CCDC141: variants seen among roughly 807,000 people sequenced by gnomAD.
CCDC141 encodes coiled-coil domain-containing protein 141.
Under a neutral mutation model 181.0 loss-of-function variants are expected in CCDC141, and 168 were observed. That is an observed-to-expected ratio of 0.93 (90% CI 0.82 to 1.05). The LOEUF (loss-of-function observed/expected upper bound fraction) is 1.05, where lower values mean the gene tolerates loss of function less well. Among genes scored for constraint, CCDC141 ranks in the 50% least tolerant of loss-of-function variants. The probability of loss-of-function intolerance (pLI) is 0.00; values close to 1 mark genes in which losing one functional copy is unlikely to be tolerated. For missense variants in CCDC141, 1,902 were observed against 1,788.5 expected (o/e 1.06, Z -1.14); for synonymous variants, 666 against 642.3 (o/e 1.04, Z -0.56).
chr2:178,931,916 T>G (rs1689115362), intron 6 of CCDC141, among the ~76,000 whole-genome samples: 1 of 152,132 alleles, frequency 6.6e-6, no homozygotes, highest in African/African-American at 2.4e-5. Flanking sequence ...GTGTAATCCC[T>G]GCACTTTGGG....
chr2:178,990,542 A>AAGG, intron 2 of CCDC141, among the ~76,000 whole-genome samples: 1 of 136,000 alleles, frequency 7.4e-6, no homozygotes, highest in African/African-American at 2.7e-5. Context: ...GAGAGGAAGG[A>AAGG]AGGAAGGAAG....
At chr2:178,948,366 AG>A (rs1689816438) in intron 5 of CCDC141, among the ~76,000 whole-genome samples, 1 of 152,174 alleles carries the variant, frequency 6.6e-6, no homozygotes, top group Non-Finnish European at 1.5e-5. Context: ...TCACATCAGT[AG>A]GTTGCATTAT....
intron 17 of CCDC141, among the ~76,000 whole-genome samples, chr2:178,864,364 C>T (rs192614911): frequency 7.4e-4 from 112 of 152,268 alleles, no homozygotes; most frequent in South Asian, 4.4e-3. Flanking sequence ...CGTGCTCTGA[C>T]GGTTTTCCTT....
At chr2:179,013,042 C>G (rs1345375275) in intron 2 of CCDC141, among the ~76,000 whole-genome samples, 1 of 152,058 alleles carries the variant, frequency 6.6e-6, no homozygotes, top group Non-Finnish European at 1.5e-5. Flanking sequence ...AGCATGCCCT[C>G]TAAGAACTGG....
Position 178,865,871 on chromosome 2 carries a change from G to T in CCDC141, c.2620C>A (p.Leu874Ile). 6.2e-7 allele frequency: 1 copy of T among 1,602,450 alleles called. No homozygotes were observed. The highest frequency in any genetic ancestry group is 8.5e-7 in the Non-Finnish European group (1 of 1,174,042). Reference sequence around the variant, plus strand: ...CACTTCATGCTGTCCTCCTCAAGGAGCTCCAGCTGCTGCTGTAGGTTCTTT... The same window carrying T: ...CACTTCATGCTGTCCTCCTCAAGGATCTCCAGCTGCTGCTGTAGGTTCTTT... ...SAKNLQQQLELLEEDSMKWRA... is the reference protein window; with the variant it reads ...SAKNLQQQLEILEEDSMKWRA... Residue 874 changes from leucine to isoleucine, a missense_variant, in exon 17 of 24, where the codon CTC (leucine) becomes ATC (isoleucine). By Grantham distance (5) the Leu-to-Ile change is conservative. Coordinates refer to ENST00000443758, the MANE Select transcript of CCDC141 (RefSeq NM_173648.4).
chr2:178,929,329 C>T (rs79095603), intron 6 of CCDC141, among the ~76,000 whole-genome samples: 2,886 of 152,132 alleles, frequency 0.019, 86 homozygotes, highest in East Asian at 0.13. Flanking sequence ...ATAGCAGAAG[C>T]GTCTGCTTTT....
rs141838668 is a variant in CCDC141 at position 178,876,419 on chromosome 2, T to C, written c.1899+1545A>G. On this transcript the variant is annotated intron_variant, in intron 12 of 23. Coordinates refer to ENST00000443758, the MANE Select transcript of CCDC141 (RefSeq NM_173648.4). ...TAAGTTCATTACTTATCAAGCACTT[T>C]GTGAGCATTTTGGAAAGAATGCCTT... 5.3e-5 allele frequency: 8 copies of C among 152,330 alleles called. No individual in the cohort carries two copies. The South Asian group carries it at 8.3e-4, about 16-fold the overall frequency. 9.4% of individuals were successfully genotyped at this position (152,330 alleles called of 1,614,324 possible). A position where few individuals can be genotyped will look rare whatever the true frequency, so the allele number is the denominator to read the frequency against.
chr2:178,994,228 C>A (rs1285136490), intron 2 of CCDC141, among the ~76,000 whole-genome samples: 1 of 152,196 alleles, frequency 6.6e-6, no homozygotes, highest in Non-Finnish European at 1.5e-5. Context: ...CCATGAGGGC[C>A]CTGCCCCTGC....
intron 3 of CCDC141, among the ~76,000 whole-genome samples, chr2:178,978,168 A>T (rs1691207775): frequency 6.6e-6 from 1 of 152,184 alleles, no homozygotes; most frequent in South Asian, 2.1e-4. Context: ...TAATTGTTTG[A>T]TTTAGTAACT....
chr2:179,017,020 T>G (rs971643791), intron 2 of CCDC141, among the ~76,000 whole-genome samples: 1 of 151,992 alleles, frequency 6.6e-6, no homozygotes, highest in African/African-American at 2.4e-5. Flanking sequence ...GGAGGGAGAT[T>G]TCCCACACAC....
intron 7 of CCDC141, among the ~76,000 whole-genome samples, chr2:178,905,732 A>T (rs1007782794): frequency 2.0e-5 from 3 of 152,250 alleles, no homozygotes; most frequent in Admixed American, 6.5e-5. Flanking sequence ...TGTCAATACC[A>T]TAAAATCACC....
the CCDC141 span, among the ~76,000 whole-genome samples, chr2:178,821,781 A>G: frequency 2.0e-5 from 3 of 152,104 alleles, no homozygotes; most frequent in Non-Finnish European, 4.4e-5. Flanking sequence ...GAGGATGTGG[A>G]GAAATAGGAA....
intron 7 of CCDC141, among the ~76,000 whole-genome samples, chr2:178,918,472 C>G (rs1688548070): frequency 6.6e-6 from 1 of 152,012 alleles, no homozygotes; most frequent in South Asian, 2.1e-4. Context: ...GACAAAAAAC[C>G]CTCACGAGGT....
In CCDC141 at chr2:179,050,105, C is replaced by T. The variant is rs530525947; in HGVS notation, c.-164G>A. The T allele has an allele frequency of 1.4e-5, 15 of 1,068,376 alleles. No homozygotes were observed. The highest frequency in any genetic ancestry group is 1.6e-5 in the Non-Finnish European group (12 of 773,688). 66.2% of individuals were successfully genotyped at this position (1,068,376 alleles called of 1,614,324 possible). On this transcript the variant is annotated 5_prime_UTR_variant, in exon 1 of 24. Transcript: ENST00000443758. ...AGAACAGGAGGTTAAAAATAGACAACCCCATTGAGTTTATCGTGAGAGAGA... is the reference window on the plus strand; with the variant it reads ...AGAACAGGAGGTTAAAAATAGACAATCCCATTGAGTTTATCGTGAGAGAGA...
chr2:178,920,043 A>G (rs575736697), intron 6 of CCDC141, among the ~76,000 whole-genome samples: 53 of 152,332 alleles, frequency 3.5e-4, no homozygotes, highest in African/African-American at 1.3e-3. Context: ...AATTTATTTG[A>G]AGGGAAATTC....
intron 12 of CCDC141, chr2:178,873,032 G>A (rs548672103): frequency 2.6e-5 from 4 of 152,204 alleles, no homozygotes; most frequent in African/African-American, 4.8e-5. Flanking sequence ...AAGACTATGC[G>A]TGCTTTATTT....
chr2:178,918,178 C>T (rs1433839016), intron 7 of CCDC141, among the ~76,000 whole-genome samples: 9 of 151,864 alleles, frequency 5.9e-5, no homozygotes, highest in East Asian at 1.9e-4. Context: ...GGGAGGCCAG[C>T]GCAGGAGGAT....
chr2:178,985,240 C>T (rs1466626183), intron 2 of CCDC141, among the ~76,000 whole-genome samples: 2 of 151,180 alleles, frequency 1.3e-5, no homozygotes, highest in East Asian at 3.9e-4. Context: ...GAAATGAAGG[C>T]AGAAATAAAG....
At chr2:178,942,587 A>G (rs1689567648) in intron 6 of CCDC141, among the ~76,000 whole-genome samples, 1 of 152,188 alleles carries the variant, frequency 6.6e-6, no homozygotes, top group African/African-American at 2.4e-5. Context: ...CATTCAATAC[A>G]TATCATCATA....
Sources: allele counts gnomAD v4.1 joint callset (sites outside exome capture counted in the v4.1 genomes callset), GRCh38; gene constraint gnomAD v4.1.1; transcripts MANE v1.5; gene names NCBI Gene and HGNC (gene_info 2026-07-23, HGNC 2026-07-21).